The following TRPM4 variants were observed in gnomAD, a reference collection of about 807,000 sequenced individuals.
TRPM4 encodes the protein calcium-activated non-selective cation channel 1.
TRPM4 carries 124 observed loss-of-function variants against 135.6 expected under a neutral mutation model. The ratio of observed to expected loss-of-function variants is 0.91; its 90% CI spans 0.79 to 1.06. TRPM4 has a LOEUF of 1.06. Ranked by LOEUF, TRPM4 falls within the 50% of genes least tolerant of loss-of-function variation. TRPM4 has a pLI of 0.00. For missense variants in TRPM4, 1,658 were observed against 1,671.4 expected (o/e 0.99, Z 0.14); for synonymous variants, 745 against 705.6 (o/e 1.06, Z -0.88).
intron 14 of TRPM4, among the ~76,000 whole-genome samples, chr19:49,189,426 A>T (rs1397795268): frequency 2.0e-5 from 3 of 152,172 alleles, no homozygotes; most frequent in Non-Finnish European, 4.4e-5. Flanking sequence ...TTTCAAAGGA[A>T]GTCCTAGCTC....
rs71919979 is a variant in TRPM4 at position 49,180,428 on chromosome 19, CTGTGTGTGTGTGTG to C, written c.1151-885_1151-872del. 4.0e-3 allele frequency among the ~76,000 whole-genome samples: 520 copies of C among 131,322 alleles called. 6 individuals are homozygous for C. The highest frequency in any genetic ancestry group is 0.012 in the African/African-American group (430 of 34,796). The allele number at this position is 131,322 out of a possible 152,430, so 86.2% of individuals were successfully genotyped here. The stretch of plus-strand genomic sequence containing the variant: ...AGTGACTCACGTTTGTCATCATCTG[CTGTGTGTGTGTGTG>C]TGTGTGTGTGTGTGTGTGTGTGTGT... On this transcript the variant is annotated intron_variant, in intron 9 of 24. Coordinates refer to ENST00000252826, the MANE Select transcript of TRPM4 (RefSeq NM_017636.4).
intron 3 of TRPM4, 104 bp downstream of exon 3, chr19:49,166,319 C>T (rs949436334): frequency 8.0e-6 from 10 of 1,254,556 alleles, no homozygotes; most frequent in African/African-American, 6.0e-5. Context: ...CCCCTCCGCC[C>T]ATCCCTGTCT....
Position 49,211,389 on chromosome 19 carries a change from T to C in TRPM4, c.3641-105T>C, listed in dbSNP as rs1420930109. 1.3e-6 allele frequency: 2 copies of C among 1,597,872 alleles called. No individual in the cohort carries two copies. Among genetic ancestry groups the C allele is most frequent in the Non-Finnish European group, 1.7e-6 (2 of 1,169,000 alleles). On this transcript the variant is annotated intron_variant, in intron 24 of 24. Coordinates refer to ENST00000252826, the MANE Select transcript of TRPM4 (RefSeq NM_017636.4). This position sits in a 1 kb window ranked among gnomAD's most constrained non-coding sequence, Gnocchi z 4.8. ...ACTCTCTTGGTCTCCTTTGAGCCTT[T>C]TGTACTCTCGCCTTCGTCTTTCTTC...
chr19:49,165,480 C>G (rs936498490), intron 2 of TRPM4, among the ~76,000 whole-genome samples: 22 of 152,234 alleles, frequency 1.4e-4, no homozygotes, highest in African/African-American at 5.3e-4. Flanking sequence ...CGCGTTGCCT[C>G]TGGCTGGGAC....
At chr19:49,204,612 C>T (rs1402528808) in intron 20 of TRPM4, among the ~76,000 whole-genome samples, 2 of 152,046 alleles carry the variant, frequency 1.3e-5, no homozygotes, top group East Asian at 3.9e-4. Flanking sequence ...CACCTGCAGC[C>T]TCAACCTCCT....
chr19:49,193,132 GT>G, intron 16 of TRPM4, among the ~76,000 whole-genome samples: 1 of 149,168 alleles, frequency 6.7e-6, no homozygotes, highest in South Asian at 2.1e-4. Context: ...CCAGGCTGGA[GT>G]GCAGTGGCAT....
In TRPM4 at chr19:49,210,359, G is replaced by A. The variant is rs780097112; in HGVS notation, c.3282G>A (p.Arg1094=). The A allele has an allele frequency of 5.6e-6, 9 of 1,614,132 alleles. No homozygotes were observed. The highest frequency in any genetic ancestry group is 1.7e-5 in the Admixed American group (1 of 60,014). Residue 1094 remains arginine, a synonymous_variant, in exon 21 of 25, where the codon AGG becomes AGA. Coordinates refer to ENST00000252826, the MANE Select transcript of TRPM4 (RefSeq NM_017636.4). The surrounding 1 kb of genome is among the most constrained non-coding windows in gnomAD (Gnocchi z 4.1). ...HLRLLLRQLC[R]RPRSPQPSSP... Reference sequence around the variant, plus strand: ...GCCTCCTGCTCAGGCAATTGTGCAGGCGACCCCGGAGCCCCCAGCCGTCCT... The same window carrying A: ...GCCTCCTGCTCAGGCAATTGTGCAGACGACCCCGGAGCCCCCAGCCGTCCT...
At position 49,200,054 on chromosome 19, in the gene TRPM4, C is replaced by T. The variant is rs16981146; in HGVS notation, c.2646-246C>T. Among the ~76,000 whole-genome samples, 3,557 of 152,274 alleles carry T rather than the reference C, an allele frequency of 0.023. 147 individuals are homozygous for T. Among genetic ancestry groups the T allele is most frequent in the African/African-American group, 0.08 (3,341 of 41,546 alleles). Reference sequence around the variant, plus strand: ...AGCTTGATTCTTACAGGGACCAGCTCTTTGCTAAGGCCATCGTTCATTCAG... The same window carrying T: ...AGCTTGATTCTTACAGGGACCAGCTTTTTGCTAAGGCCATCGTTCATTCAG... On this transcript the variant is annotated intron_variant, in intron 17 of 24. Coordinates refer to ENST00000252826, the MANE Select transcript of TRPM4 (RefSeq NM_017636.4).
chr19:49,194,232 C>T lies in TRPM4; in HGVS notation c.2211-2208C>T, dbSNP rs1414685710. 6.6e-5 allele frequency among the ~76,000 whole-genome samples: 10 copies of T among 151,902 alleles called. No individual in the cohort carries two copies. In the East Asian group the frequency reaches 1.9e-3, roughly 29 times the overall value. ...GCTCCTCCTCCTCCTGCTCCTCTGC[C>T]TTCTCTTCATCCTCCTTCTCCTTCT... On this transcript the variant is annotated intron_variant, in intron 16 of 24. Coordinates refer to ENST00000252826, the MANE Select transcript of TRPM4 (RefSeq NM_017636.4).
rs145912097 is a variant in TRPM4 at position 49,201,644 on chromosome 19, C to G, written c.2954-320C>G. On this transcript the variant is annotated intron_variant, in intron 19 of 24. Transcript: ENST00000252826. ...TGGAGTTTTGCTCTTGTTGCCCAGG[C>G]TGGAGTGCAATGGCACGATCTCAGC... Among the ~76,000 whole-genome samples, 1,372 of 152,316 alleles carry G rather than the reference C, an allele frequency of 9.0e-3. 18 individuals are homozygous for G. Among genetic ancestry groups the G allele is most frequent in the African/African-American group, 0.03 (1,254 of 41,562 alleles).
chr19:49,177,408 C>G (rs1967739869), intron 9 of TRPM4, among the ~76,000 whole-genome samples: 2 of 147,366 alleles, frequency 1.4e-5, no homozygotes, highest in South Asian at 2.2e-4. Context: ...GATCTCAGCT[C>G]ACTGCAACCC....
chr19:49,197,354 T>C (rs28660247), intron 17 of TRPM4, among the ~76,000 whole-genome samples: 6,994 of 103,666 alleles, frequency 0.067, 222 homozygotes, highest in Non-Finnish European at 0.078. Flanking sequence ...CTTTCTTTCT[T>C]TCTTTCTTTC....
At chr19:49,158,683 C>T (rs1342539391) in intron 2 of TRPM4, 1 of 185,236 alleles carries the variant, frequency 5.4e-6, no homozygotes, top group Non-Finnish European at 1.1e-5. Flanking sequence ...ATTCAACGGC[C>T]CTGCCAGGGT....
At chr19:49,178,760 AT>A (rs111551675) in intron 9 of TRPM4, among the ~76,000 whole-genome samples, 1 of 125,598 alleles carries the variant, frequency 8.0e-6, no homozygotes, top group Non-Finnish European at 1.7e-5. Context: ...TATTATTTTT[AT>A]TTTTTTATTT....
intron 9 of TRPM4, among the ~76,000 whole-genome samples, chr19:49,180,402 G>T (rs1320411963): frequency 6.6e-6 from 1 of 150,542 alleles, no homozygotes; most frequent in East Asian, 1.9e-4. Context: ...TCAGAAATCA[G>T]AGTGACTCAC....
Position 49,167,955 on chromosome 19 carries a change from T to G in TRPM4, c.306T>G (p.Val102=), listed in dbSNP as rs111783027. 3,301 of 1,566,752 alleles carry G rather than the reference T, an allele frequency of 2.1e-3. 51 individuals are homozygous for G. The highest frequency in any genetic ancestry group is 4.7e-3 in the South Asian group (401 of 85,776). ...CTGACCGAACGGATCCAGCTGCAGTTTATAGTCTGGTCACACGCACATGGG... is the reference window on the plus strand; with the variant it reads ...CTGACCGAACGGATCCAGCTGCAGTGTATAGTCTGGTCACACGCACATGGG... ...RLSDRTDPAA[V]YSLVTRTWGF... The change falls in exon 4 of 25, where the codon GTT becomes GTG. Residue 102 remains valine (V), a synonymous_variant. Coordinates refer to ENST00000252826, the MANE Select transcript of TRPM4 (RefSeq NM_017636.4).
chr19:49,161,323 CTTTTTTT>C (rs67808134), intron 2 of TRPM4, among the ~76,000 whole-genome samples: 5 of 101,206 alleles, frequency 4.9e-5, no homozygotes, highest in African/African-American at 1.1e-4. Context: ...GTCTCTCTCT[CTTTTTTT>C]TTTTTTTTTT....
At position 49,166,112 on chromosome 19, in the gene TRPM4, C is replaced by T; in HGVS notation, c.164C>T (p.Ala55Val). ...PAVAMEDAFG[A>V]AVVTVWDSDA... ...GTGGCCATGGAGGATGCCTTCGGGG[C>T]AGCCGTGGTGACCGTGTGGGACAGC... The change falls in exon 3 of 25, where the codon GCA (alanine) becomes GTA (valine). Residue 55 changes from alanine to valine, a missense_variant. Physicochemically the swap from Ala to Val is moderately conservative, Grantham distance 64. Coordinates refer to ENST00000252826, the MANE Select transcript of TRPM4 (RefSeq NM_017636.4). The T allele has an allele frequency of 6.2e-7, 1 of 1,603,456 alleles. No homozygotes were observed. The highest frequency in any genetic ancestry group is 8.5e-7 in the Non-Finnish European group (1 of 1,176,164).
intron 9 of TRPM4, among the ~76,000 whole-genome samples, chr19:49,179,249 T>G (rs1967822034): frequency 6.6e-6 from 1 of 150,740 alleles, no homozygotes; most frequent in South Asian, 2.1e-4. Context: ...GAGACGAGGT[T>G]TCTCCATGTT....
Sources: allele counts gnomAD v4.1 joint callset (sites outside exome capture counted in the v4.1 genomes callset), GRCh38; gene constraint gnomAD v4.1.1; non-coding constraint Gnocchi (gnomAD v3.1); transcripts MANE v1.5; gene names NCBI Gene and HGNC (gene_info 2026-07-23, HGNC 2026-07-21).